Variants in UBL3 observed in about 807,000 individuals in gnomAD.
UBL3 encodes the protein ubiquitin-like protein 3.
A neutral mutation model predicts 18.4 loss-of-function variants in UBL3; 6 were observed. The observed-to-expected ratio is 0.33, with a 90% confidence interval of 0.18 to 0.64. The LOEUF is 0.64. Among genes scored for constraint, UBL3 ranks in the 30% least tolerant of loss-of-function variants. The probability of loss-of-function intolerance (pLI) is 0.76; values close to 1 mark genes in which losing one functional copy is unlikely to be tolerated. For synonymous variants in UBL3, 49 were observed against 46.6 expected (o/e 1.05, Z -0.21); for missense variants, 109 against 142.9 (o/e 0.76, Z 1.21).
intron 1 of UBL3, among the ~76,000 whole-genome samples, chr13:29,832,123 G>A (rs1355180969): frequency 6.6e-6 from 1 of 152,152 alleles, no homozygotes; most frequent in Non-Finnish European, 1.5e-5. Context: ...TCCTTATTTA[G>A]TAGGCACTGT....
intron 1 of UBL3, among the ~76,000 whole-genome samples, chr13:29,813,896 G>C (rs1160349427): frequency 2.6e-5 from 4 of 152,060 alleles, no homozygotes; most frequent in East Asian, 1.9e-4. Flanking sequence ...TGGGGAAGAA[G>C]ACTCAGAGCC....
chr13:29,822,109 T>C (rs190068095), intron 1 of UBL3, among the ~76,000 whole-genome samples: 7 of 152,332 alleles, frequency 4.6e-5, no homozygotes, highest in Admixed American at 1.3e-4. Context: ...TTAGCAGACA[T>C]TGAACTCAAT....
chr13:29,825,343 G>A, intron 1 of UBL3, among the ~76,000 whole-genome samples: 1 of 152,202 alleles, frequency 6.6e-6, no homozygotes, highest in African/African-American at 2.4e-5. Flanking sequence ...AGCATGGAAT[G>A]TTCTTCCATT....
intron 1 of UBL3, among the ~76,000 whole-genome samples, chr13:29,778,372 T>C (rs1461966182): frequency 6.6e-6 from 1 of 152,216 alleles, no homozygotes; most frequent in Non-Finnish European, 1.5e-5. Flanking sequence ...AAAAACACCA[T>C]ATCTATGTAT....
chr13:29,783,546 G>A (rs186325118), intron 1 of UBL3, among the ~76,000 whole-genome samples: 25 of 152,196 alleles, frequency 1.6e-4, no homozygotes, highest in East Asian at 9.7e-4. Flanking sequence ...ACTGGATACC[G>A]GGCTGGTTAT....
chr13:29,786,257 C>A (rs962367233), intron 1 of UBL3, among the ~76,000 whole-genome samples: 1 of 152,172 alleles, frequency 6.6e-6, no homozygotes, highest in African/African-American at 2.4e-5. Context: ...GCATCATCTC[C>A]ACCACTCTTC....
Position 29,838,715 on chromosome 13 carries a change from T to C in UBL3, c.27+10797A>G, listed in dbSNP as rs368245523. On this transcript the variant is annotated intron_variant, in intron 1 of 4. Coordinates refer to ENST00000380680, the MANE Select transcript of UBL3 (RefSeq NM_007106.4). Reference sequence around the variant, plus strand: ...TTGATTAATCCAAAAGAAAACAAAATGGAAGGGAAAGTTATAAAGGACTTA... The same window carrying C: ...TTGATTAATCCAAAAGAAAACAAAACGGAAGGGAAAGTTATAAAGGACTTA... Among the ~76,000 whole-genome samples, 104 of 152,038 alleles carry C rather than the reference T, an allele frequency of 6.8e-4. 2 individuals are homozygous for C. Among genetic ancestry groups the C allele is most frequent in the Middle Eastern group, 3.4e-3 (1 of 292 alleles).
At position 29,822,864 on chromosome 13, in the gene UBL3, C is replaced by A. The variant is rs533325255; in HGVS notation, c.27+26648G>T. 1.7e-4 allele frequency among the ~76,000 whole-genome samples: 26 copies of A among 152,252 alleles called. 1 individual carries two copies. The South Asian group carries it at 5.2e-3, about 30-fold the overall frequency. ...AAAAGGGCACATAATTAAATTTGAT[C>A]TTTAAGATCTCCCCAAATTAGAACA... On this transcript the variant is annotated intron_variant, in intron 1 of 4. Transcript: ENST00000380680.
intron 1 of UBL3, among the ~76,000 whole-genome samples, chr13:29,778,611 T>C (rs1284713161): frequency 2.0e-5 from 3 of 152,176 alleles, no homozygotes; most frequent in African/African-American, 7.2e-5. Context: ...TAATTTTTTT[T>C]CTTATTAAAA....
In UBL3 at chr13:29,849,524, G is replaced by A. The variant is rs749491180; in HGVS notation, c.15C>T (p.Val5=). Residue 5 remains valine (V), a synonymous_variant, in exon 1 of 5, where the codon GTC becomes GTT. Transcript: ENST00000380680. MSSN[V]PADMINLRLI... The stretch of plus-strand genomic sequence containing the variant: ...ATCCGTCACTTACCATATCCGCCGG[G>A]ACATTACTGGACATCTTGCCGTTTG... The A allele has an allele frequency of 6.2e-7, 1 of 1,613,834 alleles. No homozygotes were observed. The highest frequency in any genetic ancestry group is 1.3e-5 in the African/African-American group (1 of 74,872).
chr13:29,836,468 C>G (rs1248571243), intron 1 of UBL3, among the ~76,000 whole-genome samples: 1 of 151,936 alleles, frequency 6.6e-6, no homozygotes, highest in Non-Finnish European at 1.5e-5. Context: ...TGGAAAACAA[C>G]TATAAAAGTG....
chr13:29,834,883 G>T (rs998904966), intron 1 of UBL3, among the ~76,000 whole-genome samples: 9 of 151,370 alleles, frequency 5.9e-5, no homozygotes, highest in African/African-American at 2.2e-4. Context: ...TCAATGAAAT[G>T]AAGTTAATAG....
At chr13:29,791,601 C>T (rs1233312671) in intron 1 of UBL3, among the ~76,000 whole-genome samples, 3 of 152,152 alleles carry the variant, frequency 2.0e-5, no homozygotes, top group African/African-American at 7.2e-5. Flanking sequence ...TGTTCTTGTT[C>T]GGTTCTGAGG....
intron 1 of UBL3, among the ~76,000 whole-genome samples, chr13:29,818,834 CCACTTTAA>C (rs1464202233): frequency 6.6e-6 from 1 of 152,146 alleles, no homozygotes; most frequent in Non-Finnish European, 1.5e-5. Flanking sequence ...AAGACAAAAA[CCACTTTAA>C]CACTAATCAC....
In UBL3 at chr13:29,764,774, C is replaced by T. The variant is rs1191770903; in HGVS notation, c.*2481G>A. ...CATCATTCAGGCTTTATGTACATTA[C>T]TGGATCTATGCAGCTCTCACCTTTA... is the stretch of plus-strand genomic sequence containing the variant. On this transcript the variant is annotated 3_prime_UTR_variant, in exon 5 of 5. Coordinates refer to ENST00000380680, the MANE Select transcript of UBL3 (RefSeq NM_007106.4). 1 of 152,154 alleles carries T rather than the reference C, an allele frequency of 6.6e-6. No homozygotes were observed. The highest frequency in any genetic ancestry group is 1.5e-5 in the Non-Finnish European group (1 of 68,028). 9.4% of individuals were successfully genotyped at this position (152,154 alleles called of 1,614,324 possible).
At chr13:29,832,579 G>A (rs1396831860) in intron 1 of UBL3, among the ~76,000 whole-genome samples, 2 of 152,158 alleles carry the variant, frequency 1.3e-5, no homozygotes, top group Non-Finnish European at 2.9e-5. Flanking sequence ...TCATCTAGCA[G>A]TAGACTGTAT....
intron 2 of UBL3, among the ~76,000 whole-genome samples, chr13:29,776,564 C>A (rs1407992354): frequency 6.6e-6 from 1 of 151,924 alleles, no homozygotes; most frequent in Non-Finnish European, 1.5e-5. Context: ...TCCCTGGCTG[C>A]ATTTTTCTTT....
At chr13:29,777,420 G>A (rs1565989503) in intron 1 of UBL3, 157 bp from the exon 2 acceptor site, 5 of 705,150 alleles carry the variant, frequency 7.1e-6, no homozygotes, top group South Asian at 6.4e-5. Flanking sequence ...AAAAAGAATG[G>A]GAATTTGATA....
At chr13:29,839,709 C>T (rs12869325) in intron 1 of UBL3, among the ~76,000 whole-genome samples, 7,537 of 152,154 alleles carry the variant, frequency 0.05, 251 homozygotes, top group Middle Eastern at 0.092. Context: ...GGGAGGATCA[C>T]GAGGTCAGGA....
Sources: gnomAD v4.1 joint callset for allele counts (sites outside exome capture counted in the v4.1 genomes callset) on GRCh38, gnomAD v4.1.1 for gene constraint, MANE v1.5 for transcripts, NCBI Gene and HGNC (gene_info 2026-07-23, HGNC 2026-07-21) for gene names.